Variants in EPHA6 observed in about 807,000 individuals in gnomAD.
EPHA6 encodes EPH receptor A6.
In EPHA6, 50 loss-of-function variants were observed where a neutral mutation model predicts 112.0. The observed-to-expected ratio is 0.45, with a 90% CI of 0.36 to 0.56. The LOEUF is 0.56. Among genes scored for constraint, EPHA6 ranks in the 20% least tolerant of loss-of-function variants. The pLI, the probability that EPHA6 is intolerant of heterozygous loss-of-function variation, is 0.00. For missense variants in EPHA6, 1,280 were observed against 1,417.4 expected (o/e 0.90, Z 1.56); for synonymous variants, 529 against 490.7 (o/e 1.08, Z -1.03).
intron 11 of EPHA6, among the ~76,000 whole-genome samples, chr3:97,538,939 A>T (rs1404562746): frequency 6.6e-6 from 1 of 152,052 alleles, no homozygotes; most frequent in African/African-American, 2.4e-5. Flanking sequence ...ATCTAGTAAT[A>T]TTTATGAACT....
intron 16 of EPHA6, among the ~76,000 whole-genome samples, chr3:97,736,462 AGAGAGAGAGT>A (rs1402926205): frequency 1.0e-3 from 149 of 146,002 alleles, no homozygotes; most frequent in Admixed American, 5.9e-3. Context: ...AGAGAGAGAG[AGAGAGAGAGT>A]GTGTGTGTGT....
At chr3:96,917,029 A>G (rs2039515776) in intron 2 of EPHA6, among the ~76,000 whole-genome samples, 1 of 152,140 alleles carries the variant, frequency 6.6e-6, no homozygotes, top group South Asian at 2.1e-4. Context: ...TTGCTTTCCT[A>G]CAGATCTCCA....
intron 2 of EPHA6, among the ~76,000 whole-genome samples, chr3:96,915,631 T>G (rs1418541038): frequency 6.6e-6 from 1 of 152,010 alleles, no homozygotes; most frequent in East Asian, 1.9e-4. Flanking sequence ...TGTCAGTGAG[T>G]CAGGGTTTAA....
chr3:97,485,449 A>T (rs575024051), intron 10 of EPHA6, among the ~76,000 whole-genome samples: 8 of 152,282 alleles, frequency 5.3e-5, no homozygotes, highest in African/African-American at 1.4e-4. Flanking sequence ...GAGAAGTAGA[A>T]CTACCTCAAG....
At chr3:97,683,665 G>C (rs146788717) in intron 14 of EPHA6, among the ~76,000 whole-genome samples, 1 of 152,114 alleles carries the variant, frequency 6.6e-6, no homozygotes, top group Admixed American at 6.6e-5. Flanking sequence ...CAAGTCTTGG[G>C]GCAGGGTGGC....
At chr3:97,517,265 G>A (rs2092462035) in intron 10 of EPHA6, among the ~76,000 whole-genome samples, 1 of 152,078 alleles carries the variant, frequency 6.6e-6, no homozygotes, top group Admixed American at 6.6e-5. Flanking sequence ...TATTGAAGCA[G>A]GAGAAAATAC....
At chr3:96,994,732 T>TATATATATATATAGAGAGAGAGAGAGAG (rs1170197805) in intron 3 of EPHA6, among the ~76,000 whole-genome samples, 5 of 82,202 alleles carry the variant, frequency 6.1e-5, no homozygotes, top group African/African-American at 1.9e-4. Context: ...TATATATATA[T>TATATATATATATAGAGAGAGAGAGAGAG]AGAGAGAGAG....
intron 3 of EPHA6, among the ~76,000 whole-genome samples, chr3:97,225,879 G>A (rs1266286306): frequency 1.3e-5 from 2 of 152,116 alleles, no homozygotes; most frequent in African/African-American, 2.4e-5. Context: ...ATTTTGAACA[G>A]AATGGTTTAA....
intron 3 of EPHA6, among the ~76,000 whole-genome samples, chr3:97,091,723 A>G (rs2047071579): frequency 6.6e-6 from 1 of 152,168 alleles, no homozygotes; most frequent in African/African-American, 2.4e-5. Context: ...CCACTATTCA[A>G]TCATTGAATG....
intron 5 of EPHA6, among the ~76,000 whole-genome samples, chr3:97,348,366 G>A (rs1344633143): frequency 6.6e-6 from 1 of 152,034 alleles, no homozygotes; most frequent in Non-Finnish European, 1.5e-5. Context: ...TTAAGAGCAA[G>A]TGAATGCGCA....
chr3:97,654,251 T>C (rs1447979367), intron 14 of EPHA6, among the ~76,000 whole-genome samples: 1 of 151,900 alleles, frequency 6.6e-6, no homozygotes, highest in African/African-American at 2.4e-5. Flanking sequence ...TATATATAGA[T>C]AATTTTTTGT....
At chr3:96,919,985 G>T (rs1324721017) in intron 2 of EPHA6, among the ~76,000 whole-genome samples, 5 of 151,808 alleles carry the variant, frequency 3.3e-5, no homozygotes, top group Non-Finnish European at 1.5e-5. Flanking sequence ...AAAACCATAT[G>T]CTTCTAGGAC....
At chr3:97,448,537 A>G (rs2090424774) in intron 6 of EPHA6, 31 bp from the exon 7 acceptor site, 1 of 1,609,472 alleles carries the variant, frequency 6.2e-7, no homozygotes, top group Non-Finnish European at 8.5e-7. Flanking sequence ...ACTCTGTTTC[A>G]TTTCCTTTCT....
chr3:97,492,790 G>A (rs9882320), intron 10 of EPHA6, among the ~76,000 whole-genome samples: 16,451 of 151,678 alleles, frequency 0.11, 2,832 homozygotes, highest in African/African-American at 0.36. Flanking sequence ...TAGGCATTTA[G>A]ATATACTGTT....
chr3:97,392,492 C>CA (rs960120189), intron 5 of EPHA6, among the ~76,000 whole-genome samples: 47 of 150,616 alleles, frequency 3.1e-4, no homozygotes, highest in African/African-American at 8.7e-4. Flanking sequence ...TTGCTATTTA[C>CA]AAAAAAAATG....
intron 2 of EPHA6, among the ~76,000 whole-genome samples, chr3:96,943,172 T>G (rs1400512526): frequency 6.6e-6 from 1 of 152,150 alleles, no homozygotes; most frequent in Non-Finnish European, 1.5e-5. Flanking sequence ...ATTTCATTCT[T>G]TTTATGTCTG....
chr3:97,247,327 T>C (rs2079013640), intron 5 of EPHA6, among the ~76,000 whole-genome samples: 1 of 151,966 alleles, frequency 6.6e-6, no homozygotes, highest in Non-Finnish European at 1.5e-5. Flanking sequence ...TTGTGTATGA[T>C]AGTGAGCCTT....
chr3:97,146,183 G>A lies in EPHA6; in HGVS notation c.1115-80081G>A, dbSNP rs189552121. On this transcript the variant is annotated intron_variant, in intron 3 of 17. Coordinates refer to ENST00000389672, the MANE Select transcript of EPHA6 (RefSeq NM_001080448.3). ...GTCTTTCTCTCATTTTATAACCTCTGTCCTTGAATATTGAAGCCTGCATCC... is the reference window on the plus strand; with the variant it reads ...GTCTTTCTCTCATTTTATAACCTCTATCCTTGAATATTGAAGCCTGCATCC... Among the ~76,000 whole-genome samples the A allele has an allele frequency of 4.6e-3, 705 of 151,696 alleles. 6 individuals carry two copies. Among genetic ancestry groups the A allele is most frequent in the African/African-American group, 0.015 (632 of 41,454 alleles).
chr3:97,214,695 G>A (rs1419516152), intron 3 of EPHA6, among the ~76,000 whole-genome samples: 1 of 151,986 alleles, frequency 6.6e-6, no homozygotes, highest in African/African-American at 2.4e-5. Flanking sequence ...TCAGAAATGA[G>A]GATATGTTTG....
Sources: allele counts gnomAD v4.1 joint callset (sites outside exome capture counted in the v4.1 genomes callset), GRCh38; gene constraint gnomAD v4.1.1; transcripts MANE v1.5; gene names NCBI Gene and HGNC (gene_info 2026-07-23, HGNC 2026-07-21).